The following SYT14 variants were observed in gnomAD, a reference collection of about 807,000 sequenced individuals.
The protein encoded by SYT14 is synaptotagmin-14.
SYT14 carries 32 observed loss-of-function variants against 74.2 expected under a neutral mutation model. That is an observed-to-expected ratio of 0.43 (90% CI 0.33 to 0.58). The LOEUF (loss-of-function observed/expected upper bound fraction) is 0.58, where lower values mean the gene tolerates loss of function less well. SYT14 is among the 20% of genes least tolerant of loss of function. The pLI is 0.05. For synonymous variants in SYT14, 298 were observed against 337.7 expected (o/e 0.88, Z 1.29); for missense variants, 791 against 981.8 (o/e 0.81, Z 2.60).
chr1:209,945,076 C>T (rs1187619847), intron 1 of SYT14, among the ~76,000 whole-genome samples: 1 of 152,058 alleles, frequency 6.6e-6, no homozygotes, highest in Non-Finnish European at 1.5e-5. Flanking sequence ...ATCTTTTTTC[C>T]TGCCAGTTGT....
At chr1:210,067,405 T>G (rs1209089965) in intron 5 of SYT14, among the ~76,000 whole-genome samples, 2 of 152,070 alleles carry the variant, frequency 1.3e-5, no homozygotes, top group Non-Finnish European at 2.9e-5. Flanking sequence ...CATCTTAATA[T>G]TAAGTCTTCT....
chr1:210,100,334 G>A, exon 7 of SYT14: 2 of 1,614,066 alleles, frequency 1.2e-6, no homozygotes, highest in Non-Finnish European at 1.7e-6. Flanking sequence ...GTTCGGTTTA[G>A]ACTGTATGGT....
At chr1:209,986,455 T>A (rs573535523) in intron 2 of SYT14, among the ~76,000 whole-genome samples, 12 of 151,560 alleles carry the variant, frequency 7.9e-5, no homozygotes, top group African/African-American at 2.4e-4. Context: ...AATAATAATT[T>A]AAAAAAAATT....
intron 5 of SYT14, among the ~76,000 whole-genome samples, chr1:210,053,851 A>G (rs2081047331): frequency 6.6e-6 from 1 of 151,976 alleles, no homozygotes; most frequent in African/African-American, 2.4e-5. Context: ...TTGTTTTTTT[A>G]CTTTCTCATT....
At chr1:210,074,924 G>T (rs942393440) in intron 5 of SYT14, among the ~76,000 whole-genome samples, 5 of 151,994 alleles carry the variant, frequency 3.3e-5, no homozygotes, top group Middle Eastern at 3.2e-3. Context: ...TTAGACCCCT[G>T]CCTTATCGCA....
intron 5 of SYT14, among the ~76,000 whole-genome samples, chr1:210,062,354 ATTC>A (rs1288700541): frequency 6.6e-6 from 1 of 151,920 alleles, no homozygotes; most frequent in Non-Finnish European, 1.5e-5. Flanking sequence ...CTTGTTTTGT[ATTC>A]TACAAATATA....
chr1:210,169,221 G>GTTTTTTTTTTTTTTTTTT (rs35974726), exon 10 of SYT14: 16 of 50,246 alleles, frequency 3.2e-4, no homozygotes, highest in Non-Finnish European at 4.6e-4. Context: ...TGTTTTTGGT[G>GTTTTTTTTTTTTTTTTTT]TTTTTTTTTT....
chr1:210,091,300 C>A (rs2081862347), intron 5 of SYT14, among the ~76,000 whole-genome samples: 1 of 152,006 alleles, frequency 6.6e-6, no homozygotes, highest in African/African-American at 2.4e-5. Context: ...ATTACCAAAC[C>A]AAAATTATAC....
intron 2 of SYT14, among the ~76,000 whole-genome samples, chr1:209,992,212 C>T (rs1413155370): frequency 6.6e-6 from 1 of 152,058 alleles, no homozygotes; most frequent in Non-Finnish European, 1.5e-5. Flanking sequence ...GCGGCACGAT[C>T]ATAGCTCACT....
chr1:210,126,668 C>T (rs1343446567), intron 7 of SYT14, among the ~76,000 whole-genome samples: 1 of 152,084 alleles, frequency 6.6e-6, no homozygotes, highest in Non-Finnish European at 1.5e-5. Flanking sequence ...AAAGTAGATC[C>T]AGAAATGAGA....
At chr1:210,058,641 G>A (rs151013552) in intron 5 of SYT14, among the ~76,000 whole-genome samples, 32 of 152,230 alleles carry the variant, frequency 2.1e-4, no homozygotes, top group Admixed American at 1.4e-3. Context: ...AATTATCTGC[G>A]TAATTTATGA....
chr1:210,091,485 T>C (rs1438157742), intron 5 of SYT14, among the ~76,000 whole-genome samples: 1 of 152,120 alleles, frequency 6.6e-6, no homozygotes, highest in Non-Finnish European at 1.5e-5. Context: ...GCCCAGGAAT[T>C]CAGGATCAGC....
At chr1:209,947,792 T>C (rs1381681679) in intron 1 of SYT14, among the ~76,000 whole-genome samples, 1 of 152,206 alleles carries the variant, frequency 6.6e-6, no homozygotes. Flanking sequence ...AGAGAAATCT[T>C]CCATGAAAGA....
intron 2 of SYT14, among the ~76,000 whole-genome samples, chr1:209,972,971 G>T (rs1167015821): frequency 6.6e-6 from 1 of 152,158 alleles, no homozygotes; most frequent in Non-Finnish European, 1.5e-5. Context: ...CTATTATTGT[G>T]TGTCTAAGTC....
chr1:210,150,240 T>A (rs552391314), intron 7 of SYT14, among the ~76,000 whole-genome samples: 23 of 152,212 alleles, frequency 1.5e-4, no homozygotes, highest in Non-Finnish European at 3.4e-4. Flanking sequence ...GGAGAACTGG[T>A]TCCTAGTAAC....
At chr1:209,973,671 A>C (rs1325064919) in intron 2 of SYT14, among the ~76,000 whole-genome samples, 4 of 152,220 alleles carry the variant, frequency 2.6e-5, no homozygotes, top group Non-Finnish European at 5.9e-5. Context: ...CTATAAACAT[A>C]CGTGTGCATG....
At chr1:210,155,742 G>C (rs192258059) in exon 8 of SYT14, 2 of 1,614,016 alleles carry the variant, frequency 1.2e-6, no homozygotes, top group Non-Finnish European at 1.7e-6. Flanking sequence ...CCAAATGAGC[G>C]TGTCAGAAAT....
Position 210,068,592 on chromosome 1 carries a change from CT to C in SYT14, c.1313-25729del, listed in dbSNP as rs1354957997. ...ACTTTAATGTAGGTGTCATTGGATT[CT>C]CTATTTCTTCATGAGTCAGTTTTGG... On this transcript the variant is annotated intron_variant, in intron 5 of 9. Coordinates refer to ENST00000637265, the Ensembl canonical transcript of SYT14. Among the ~76,000 whole-genome samples, 8 of 151,368 alleles carry C rather than the reference CT, an allele frequency of 5.3e-5. No individual in the cohort carries two copies. In the East Asian group the frequency reaches 1.5e-3, roughly 29 times the overall value.
At chr1:210,065,551 TAA>T (rs983039376) in intron 5 of SYT14, among the ~76,000 whole-genome samples, 169 of 151,898 alleles carry the variant, frequency 1.1e-3, no homozygotes, top group African/African-American at 3.9e-3. Context: ...CTTTTTTTTT[TAA>T]GTTTTATTTA....
Sources: gnomAD v4.1 joint callset for allele counts (sites outside exome capture counted in the v4.1 genomes callset) on GRCh38, gnomAD v4.1.1 for gene constraint, MANE v1.5 for transcripts, NCBI Gene and HGNC (gene_info 2026-07-23, HGNC 2026-07-21) for gene names.